SLC24A2: variants seen among roughly 807,000 people sequenced by gnomAD.
SLC24A2 encodes sodium/potassium/calcium exchanger 2.
A neutral mutation model predicts 62.0 loss-of-function variants in SLC24A2; 36 were observed. The observed-to-expected ratio is 0.58, with a 90% confidence interval of 0.44 to 0.77. The LOEUF (loss-of-function observed/expected upper bound fraction) is 0.77, where lower values mean the gene tolerates loss of function less well. Among genes scored for constraint, SLC24A2 ranks in the 30% least tolerant of loss-of-function variants. The pLI is 0.00. For missense variants in SLC24A2, 846 were observed against 817.9 expected (o/e 1.03, Z -0.42); for synonymous variants, 358 against 294.0 (o/e 1.22, Z -2.23).
the SLC24A2 span, among the ~76,000 whole-genome samples, chr9:19,993,862 A>G: frequency 6.6e-6 from 1 of 152,238 alleles, no homozygotes; most frequent in African/African-American, 2.4e-5. Flanking sequence ...AAACACAATC[A>G]TTAATGCCCA....
chr9:20,294,070 C>T, the SLC24A2 span, among the ~76,000 whole-genome samples: 2 of 152,066 alleles, frequency 1.3e-5, no homozygotes, highest in African/African-American at 2.4e-5. Flanking sequence ...CATCTTTTCT[C>T]CTAGACCATC....
chr9:19,720,689 A>ACCC (rs370571898), intron 2 of SLC24A2, among the ~76,000 whole-genome samples: 5 of 77,494 alleles, frequency 6.5e-5, no homozygotes, highest in African/African-American at 1.6e-4. Flanking sequence ...TACAATGACA[A>ACCC]CCCCCCCCCC....
the SLC24A2 span, among the ~76,000 whole-genome samples, chr9:20,059,567 T>A: frequency 1.3e-5 from 2 of 151,974 alleles, no homozygotes; most frequent in African/African-American, 4.8e-5. Flanking sequence ...AGAAAATAAA[T>A]CACAAGGCAA....
intron 4 of SLC24A2, among the ~76,000 whole-genome samples, chr9:19,615,615 T>C (rs111352422): frequency 1.9e-3 from 287 of 152,336 alleles, no homozygotes; most frequent in Middle Eastern, 0.01. Context: ...TATTTTCTAA[T>C]CACTCAAGTC....
intron 2 of SLC24A2, among the ~76,000 whole-genome samples, chr9:19,777,705 A>C (rs1822885433): frequency 6.6e-6 from 1 of 152,134 alleles, no homozygotes. Flanking sequence ...AGGTGTGTAT[A>C]TATATGTCTA....
the SLC24A2 span, among the ~76,000 whole-genome samples, chr9:19,994,768 T>C: frequency 6.6e-6 from 1 of 152,202 alleles, no homozygotes; most frequent in Non-Finnish European, 1.5e-5. Flanking sequence ...AACAACTCTC[T>C]ACAGCACCCT....
the SLC24A2 span, among the ~76,000 whole-genome samples, chr9:20,229,558 G>T: frequency 6.6e-6 from 1 of 151,968 alleles, no homozygotes; most frequent in Admixed American, 6.6e-5. Flanking sequence ...GCAAGGGCCT[G>T]GGGATACAAA....
chr9:20,047,108 C>G, the SLC24A2 span, among the ~76,000 whole-genome samples: 2 of 152,096 alleles, frequency 1.3e-5, no homozygotes, highest in Non-Finnish European at 2.9e-5. Context: ...AGACTCAGAA[C>G]AGCATCTGTC....
At chr9:20,166,466 C>G in the SLC24A2 span, among the ~76,000 whole-genome samples, 2 of 151,796 alleles carry the variant, frequency 1.3e-5, no homozygotes, top group East Asian at 3.9e-4. Context: ...TATTATGCAA[C>G]TGTAAAACAG....
the SLC24A2 span, among the ~76,000 whole-genome samples, chr9:20,014,901 T>C: frequency 4.6e-5 from 7 of 152,172 alleles, no homozygotes; most frequent in African/African-American, 1.7e-4. Flanking sequence ...CCATAAGAAA[T>C]GATACGTAAG....
At chr9:20,300,927 C>T in the SLC24A2 span, among the ~76,000 whole-genome samples, 17 of 152,204 alleles carry the variant, frequency 1.1e-4, no homozygotes, top group African/African-American at 4.1e-4. Flanking sequence ...TTGTCATCAT[C>T]GTGACACATT....
chr9:19,539,453 T>A (rs1031502111), intron 8 of SLC24A2, among the ~76,000 whole-genome samples: 58 of 151,844 alleles, frequency 3.8e-4, no homozygotes, highest in African/African-American at 1.3e-3. Context: ...TGCCTTCATT[T>A]CATTATGTAC....
At chr9:20,104,740 A>C in the SLC24A2 span, among the ~76,000 whole-genome samples, 2 of 152,256 alleles carry the variant, frequency 1.3e-5, no homozygotes, top group African/African-American at 2.4e-5. Flanking sequence ...AGCCACTGCA[A>C]AATCATGCCA....
the SLC24A2 span, among the ~76,000 whole-genome samples, chr9:19,953,156 G>C: frequency 1.2e-4 from 18 of 151,822 alleles, no homozygotes; most frequent in African/African-American, 4.3e-4. Context: ...TGTCTTCCCT[G>C]TTCTTTTAGA....
At chr9:20,269,212 T>C in the SLC24A2 span, among the ~76,000 whole-genome samples, 1 of 152,106 alleles carries the variant, frequency 6.6e-6, no homozygotes, top group Non-Finnish European at 1.5e-5. Context: ...ATCTCAAGTT[T>C]TGTGGCTCTC....
the SLC24A2 span, among the ~76,000 whole-genome samples, chr9:20,193,693 A>T: frequency 6.6e-6 from 1 of 152,142 alleles, no homozygotes; most frequent in Admixed American, 6.5e-5. Context: ...AAAATATGTA[A>T]CCCAATAGAG....
the SLC24A2 span, among the ~76,000 whole-genome samples, chr9:20,173,269 A>T: frequency 2.0e-5 from 3 of 152,112 alleles, no homozygotes; most frequent in African/African-American, 7.2e-5. Flanking sequence ...GAGAACTGGA[A>T]CAAGACAAAG....
chr9:19,636,322 T>TTCTTTTCTTTTCTTTTC (rs376017966), intron 2 of SLC24A2, among the ~76,000 whole-genome samples: 561 of 30,428 alleles, frequency 0.018, 33 homozygotes, highest in Middle Eastern at 0.041. Context: ...TTCTTTTCTT[T>TTCTTTTCTTTTCTTTTC]CTTTCTTTCT....
chr9:20,034,698 G>C, the SLC24A2 span, among the ~76,000 whole-genome samples: 3 of 152,174 alleles, frequency 2.0e-5, no homozygotes, highest in East Asian at 5.8e-4. Flanking sequence ...TCGATCTCCT[G>C]AACTCGTGAT....
Sources: allele counts gnomAD v4.1 joint callset (sites outside exome capture counted in the v4.1 genomes callset), GRCh38; gene constraint gnomAD v4.1.1; transcripts MANE v1.5; gene names NCBI Gene and HGNC (gene_info 2026-07-23, HGNC 2026-07-21).